Variants in ARHGAP42 observed in about 807,000 individuals in gnomAD.
ARHGAP42 encodes Rho GTPase activating protein 42.
In ARHGAP42, 63 loss-of-function variants were observed where a neutral mutation model predicts 125.0. The ratio of observed to expected loss-of-function variants is 0.50; its 90% CI spans 0.41 to 0.62. ARHGAP42 has a LOEUF of 0.62. Ranked by LOEUF, ARHGAP42 falls within the 20% of genes least tolerant of loss-of-function variation. ARHGAP42 has a pLI of 0.00. For missense variants in ARHGAP42, 766 were observed against 1,024.2 expected, an observed-to-expected ratio of 0.75 and a Z score of 3.44; for synonymous variants, 339 against 351.0, an observed-to-expected ratio of 0.97 and a Z score of 0.38.
chr11:100,730,489 T>C (rs1861937663), intron 1 of ARHGAP42, among the ~76,000 whole-genome samples: 2 of 152,222 alleles, frequency 1.3e-5, no homozygotes, highest in African/African-American at 4.8e-5. Context: ...CAATGTTGCT[T>C]TCTCACAATC....
intron 12 of ARHGAP42, among the ~76,000 whole-genome samples, chr11:100,951,491 T>A (rs575448): frequency 0.88 from 134,235 of 152,156 alleles, 59,308 homozygotes; most frequent in East Asian, 1. Flanking sequence ...ATTGTTGATA[T>A]GCACTATAAG....
chr11:100,728,970 T>C (rs1234808209), intron 1 of ARHGAP42, among the ~76,000 whole-genome samples: 1 of 151,858 alleles, frequency 6.6e-6, no homozygotes, highest in Non-Finnish European at 1.5e-5. Flanking sequence ...GGTTTTGCCA[T>C]GTTGGCCAGG....
Position 100,978,968 on chromosome 11 carries a change from A to G in ARHGAP42, c.2394-19A>G. On this transcript the variant is annotated intron_variant, in intron 21 of 23. Coordinates refer to ENST00000298815, the MANE Select transcript of ARHGAP42 (RefSeq NM_152432.4). ...ATGTGATTGACTTCATGAAACTTGC[A>G]TTTTAAATCATTTTTCAGAGTGGCA... 2 of 1,551,288 alleles carry G rather than the reference A, an allele frequency of 1.3e-6. No homozygotes were observed.
At position 100,948,505 on chromosome 11, in the gene ARHGAP42, C is replaced by G. The variant is rs1208775473; in HGVS notation, c.1092C>G (p.Leu364=). 1.9e-6 allele frequency: 3 copies of G among 1,550,080 alleles called. No individual in the cohort carries two copies. The highest frequency in any genetic ancestry group is 2.7e-5 in the African/African-American group (2 of 72,948). The change falls in exon 11 of 24, where the codon CTC becomes CTG. Residue 364 remains leucine (L), a synonymous_variant. Coordinates refer to ENST00000298815, the MANE Select transcript of ARHGAP42 (RefSeq NM_152432.4). The part of the protein sequence containing the change: ...LQAFSEANRK[L]WLEAMDGKEP... The stretch of plus-strand genomic sequence containing the variant: ...CCTTCTCAGAAGCTAATAGGAAACT[C>G]TGGCTTGAAGCCATGGATGGGAAGG...
chr11:100,797,123 GT>G (rs1863736058), intron 3 of ARHGAP42, among the ~76,000 whole-genome samples: 1 of 152,202 alleles, frequency 6.6e-6, no homozygotes, highest in Non-Finnish European at 1.5e-5. Flanking sequence ...CAGAAGAAGA[GT>G]TTGGAGCTAG....
At chr11:100,798,845 T>C (rs1428588315) in intron 3 of ARHGAP42, among the ~76,000 whole-genome samples, 1 of 152,180 alleles carries the variant, frequency 6.6e-6, no homozygotes, top group African/African-American at 2.4e-5. Flanking sequence ...TTTTCTGAAC[T>C]GATAAGAGAA....
chr11:100,794,261 G>T (rs1052707705), intron 2 of ARHGAP42, among the ~76,000 whole-genome samples: 3 of 152,058 alleles, frequency 2.0e-5, no homozygotes, highest in African/African-American at 7.2e-5. Flanking sequence ...CATTTTTAAA[G>T]AATATGCTAC....
chr11:100,926,162 G>C (rs79357798), intron 6 of ARHGAP42, among the ~76,000 whole-genome samples: 7,017 of 152,250 alleles, frequency 0.046, 318 homozygotes, highest in East Asian at 0.25. Flanking sequence ...GTTGATTTAT[G>C]TCCTTTGAGC....
intron 12 of ARHGAP42, among the ~76,000 whole-genome samples, chr11:100,953,764 G>A (rs920272316): frequency 6.6e-6 from 1 of 152,174 alleles, no homozygotes; most frequent in Non-Finnish European, 1.5e-5. Context: ...GTCAATGACA[G>A]GGTATTGAAT....
intron 3 of ARHGAP42, among the ~76,000 whole-genome samples, chr11:100,827,306 C>T (rs1212752589): frequency 6.6e-6 from 1 of 152,066 alleles, no homozygotes; most frequent in Admixed American, 6.6e-5. Flanking sequence ...TCCGGCCAAG[C>T]CTTACATCTT....
chr11:100,793,100 A>T (rs1224845027), intron 2 of ARHGAP42, among the ~76,000 whole-genome samples: 1 of 152,042 alleles, frequency 6.6e-6, no homozygotes, highest in African/African-American at 2.4e-5. Flanking sequence ...CACTCAGGCA[A>T]CCCAAACTGA....
At chr11:100,961,147 C>A (rs944268618) in intron 14 of ARHGAP42, among the ~76,000 whole-genome samples, 158 bp downstream of exon 14, 1 of 152,000 alleles carries the variant, frequency 6.6e-6, no homozygotes, top group Non-Finnish European at 1.5e-5. Context: ...AATAGATGAA[C>A]GATGAGAATT....
At chr11:100,784,619 A>T (rs1863390933) in intron 2 of ARHGAP42, among the ~76,000 whole-genome samples, 2 of 152,160 alleles carry the variant, frequency 1.3e-5, no homozygotes, top group South Asian at 4.1e-4. Flanking sequence ...TCTGGGATGG[A>T]AGAGAATTAT....
intron 1 of ARHGAP42, among the ~76,000 whole-genome samples, chr11:100,747,742 C>T (rs1862337707): frequency 6.6e-6 from 1 of 152,204 alleles, no homozygotes; most frequent in Non-Finnish European, 1.5e-5. Flanking sequence ...ACACCTTGCA[C>T]ATAAACTGTT....
At chr11:100,751,277 G>GTTTTTTTTTTTTTTTTTTTTTTTT (rs756243174) in intron 1 of ARHGAP42, among the ~76,000 whole-genome samples, 12 of 121,664 alleles carry the variant, frequency 9.9e-5, no homozygotes, top group African/African-American at 2.4e-4. Context: ...GTGTGTGTGT[G>GTTTTTTTTTTTTTTTTTTTTTTTT]TGTTTTTTTT....
intron 4 of ARHGAP42, 42 bp from the exon 5 acceptor site, chr11:100,913,410 G>T: frequency 1.0e-6 from 1 of 953,814 alleles, no homozygotes; most frequent in African/African-American, 1.8e-5. Flanking sequence ...TTTTCTGGGT[G>T]CTCTGAGTTA....
At chr11:100,825,959 T>C (rs2135084439) in intron 3 of ARHGAP42, among the ~76,000 whole-genome samples, 1 of 152,194 alleles carries the variant, frequency 6.6e-6, no homozygotes, top group East Asian at 1.9e-4. Flanking sequence ...CTGTCAGATG[T>C]TGTACTTCAG....
At chr11:100,732,780 TC>T (rs1861982579) in intron 1 of ARHGAP42, among the ~76,000 whole-genome samples, 1 of 152,200 alleles carries the variant, frequency 6.6e-6, no homozygotes, top group Admixed American at 6.5e-5. Context: ...TTACTCCTCT[TC>T]CATCAAACAC....
intron 1 of ARHGAP42, among the ~76,000 whole-genome samples, chr11:100,719,416 G>C (rs950665352): frequency 6.6e-6 from 1 of 152,168 alleles, no homozygotes; most frequent in African/African-American, 2.4e-5. Flanking sequence ...AAGGGGAAAA[G>C]CTCTAGGCAA....
Sources: gnomAD v4.1 joint callset for allele counts (sites outside exome capture counted in the v4.1 genomes callset) on GRCh38, gnomAD v4.1.1 for gene constraint, MANE v1.5 for transcripts, NCBI Gene and HGNC (gene_info 2026-07-23, HGNC 2026-07-21) for gene names.